HTT: variants seen among roughly 807,000 people sequenced by gnomAD.
The protein encoded by HTT is huntington disease protein.
A neutral mutation model predicts 362.3 loss-of-function variants in HTT; 104 were observed. That is an observed-to-expected ratio of 0.29 (90% CI 0.24 to 0.34). The LOEUF (loss-of-function observed/expected upper bound fraction) is 0.34, where lower values mean the gene tolerates loss of function less well. Among genes scored for constraint, HTT ranks in the 10% least tolerant of loss-of-function variants. The pLI, the probability that HTT is intolerant of heterozygous loss-of-function variation, is 1.00. For missense variants in HTT, 3,301 were observed against 3,928.6 expected (o/e 0.84, Z 4.27); for synonymous variants, 1,577 against 1,548.7 (o/e 1.02, Z -0.43).
chr4:3,234,528 G>T (rs1246310062), intron 61 of HTT, among the ~76,000 whole-genome samples: 1 of 152,256 alleles, frequency 6.6e-6, no homozygotes, highest in Non-Finnish European at 1.5e-5. Context: ...CCAAAGCCCT[G>T]CCTGTGCTGG....
chr4:3,130,562 G>T, intron 14 of HTT, 139 bp downstream of exon 14: 1 of 572,400 alleles, frequency 1.7e-6, no homozygotes, highest in Non-Finnish European at 3.2e-6. Context: ...CTCTTCCCAG[G>T]CCTGTTGTTT....
intron 6 of HTT, among the ~76,000 whole-genome samples, chr4:3,112,206 C>T (rs962075958): frequency 1.3e-5 from 2 of 152,182 alleles, no homozygotes; most frequent in African/African-American, 2.4e-5. Flanking sequence ...AGAAATCTCC[C>T]ACCCTCTGGT....
chr4:3,138,552 A>C (rs1041976730), intron 21 of HTT, among the ~76,000 whole-genome samples: 3 of 152,154 alleles, frequency 2.0e-5, no homozygotes, highest in African/African-American at 7.2e-5. Flanking sequence ...CACCAGTACA[A>C]ATATTTCAAA....
chr4:3,230,384 T>A (rs1721194132), intron 60 of HTT, among the ~76,000 whole-genome samples: 1 of 152,190 alleles, frequency 6.6e-6, no homozygotes, highest in Non-Finnish European at 1.5e-5. Flanking sequence ...TGCTACTGGC[T>A]TCCCCATGCT....
rs562186858 is a variant in HTT, at chr4:3,163,535, G to A, written c.3864+3143G>A. Among the ~76,000 whole-genome samples, 190 of 152,214 alleles carry A rather than the reference G, an allele frequency of 1.2e-3. 1 individual carries two copies. Among genetic ancestry groups the A allele is most frequent in the African/African-American group, 4.4e-3 (184 of 41,522 alleles). On this transcript the variant is annotated intron_variant, in intron 29 of 66. Transcript: ENST00000355072. ...CCTCTTTGTACCTCTGGTAGAATTCGGCTGTGAATCCATCCTGGACTTTTT... is the reference window on the plus strand; with the variant it reads ...CCTCTTTGTACCTCTGGTAGAATTCAGCTGTGAATCCATCCTGGACTTTTT...
chr4:3,141,777 A>C (rs1373456458), intron 22 of HTT, among the ~76,000 whole-genome samples: 1 of 152,172 alleles, frequency 6.6e-6, no homozygotes. Context: ...AAAGACACAC[A>C]CACAAACAAA....
At chr4:3,102,682 G>T (rs185776413) in intron 3 of HTT, among the ~76,000 whole-genome samples, 5 of 152,282 alleles carry the variant, frequency 3.3e-5, no homozygotes, top group African/African-American at 9.6e-5. Flanking sequence ...AGAGATCATC[G>T]ACTGATGTTT....
chr4:3,232,153 G>A (rs1042389902), intron 60 of HTT, among the ~76,000 whole-genome samples: 4 of 152,206 alleles, frequency 2.6e-5, no homozygotes, highest in Admixed American at 6.5e-5. Flanking sequence ...GGCGTTGTGC[G>A]TGTGAGGGGA....
At chr4:3,223,271 A>C in intron 54 of HTT, 135 bp from the exon 55 acceptor site, 1 of 817,348 alleles carries the variant, frequency 1.2e-6, no homozygotes, top group Middle Eastern at 3.3e-4. Flanking sequence ...CCGTGAGCTC[A>C]GCCTGACAGA....
intron 49 of HTT, among the ~76,000 whole-genome samples, chr4:3,213,414 A>C (rs1720254930): frequency 6.6e-6 from 1 of 152,248 alleles, no homozygotes; most frequent in Admixed American, 6.5e-5. Flanking sequence ...ATGCAGGATG[A>C]AATACTTTAT....
At chr4:3,115,976 A>G (rs1441286592) in intron 7 of HTT, 109 bp from the exon 8 acceptor site, 3 of 995,080 alleles carry the variant, frequency 3.0e-6, no homozygotes, top group African/African-American at 3.2e-5. Flanking sequence ...GTTCATGATC[A>G]TGTTTGTGCC....
intron 35 of HTT, among the ~76,000 whole-genome samples, chr4:3,178,731 C>T (rs1008859664): frequency 6.6e-6 from 1 of 152,218 alleles, no homozygotes; most frequent in African/African-American, 2.4e-5. Context: ...TGTTCATTCA[C>T]ATGAAACGCT....
chr4:3,094,310 T>A (rs1022835448), intron 2 of HTT, among the ~76,000 whole-genome samples: 2 of 152,240 alleles, frequency 1.3e-5, no homozygotes, highest in African/African-American at 4.8e-5. Flanking sequence ...GTCCTATGTC[T>A]ACTTCTTTCT....
intron 5 of HTT, among the ~76,000 whole-genome samples, chr4:3,106,180 A>T (rs1002572617): frequency 3.9e-5 from 6 of 152,152 alleles, no homozygotes; most frequent in Admixed American, 6.5e-5. Flanking sequence ...ACATGGTGAA[A>T]CGCCGCCTCT....
intron 1 of HTT, among the ~76,000 whole-genome samples, chr4:3,075,742 G>A (rs1009108671): frequency 6.6e-6 from 1 of 151,444 alleles, no homozygotes; most frequent in African/African-American, 2.4e-5. Context: ...TTCCTACATT[G>A]TCAGGACATT....
chr4:3,173,655 T>A (rs1176606645), intron 31 of HTT, among the ~76,000 whole-genome samples: 2 of 151,322 alleles, frequency 1.3e-5, no homozygotes, highest in Non-Finnish European at 2.9e-5. Context: ...ACTAGAAGTC[T>A]CTTTTCACTT....
At chr4:3,131,868 T>G in intron 16 of HTT, 93 bp downstream of exon 16, 1 of 1,224,026 alleles carries the variant, frequency 8.2e-7, no homozygotes, top group South Asian at 1.4e-5. Flanking sequence ...GAGCAGTAAG[T>G]GTTTTGAGTT....
chr4:3,174,177 G>A (rs1343934641), intron 31 of HTT, among the ~76,000 whole-genome samples: 1 of 152,118 alleles, frequency 6.6e-6, no homozygotes, highest in Non-Finnish European at 1.5e-5. Flanking sequence ...CATGTTCCAG[G>A]CTGTATGTTA....
At chr4:3,128,505 T>A (rs1426359371) in intron 12 of HTT, 1 of 152,226 alleles carries the variant, frequency 6.6e-6, no homozygotes, top group African/African-American at 2.4e-5. Context: ...GTTAAATAAT[T>A]ATTTTTAAAA....
Sources: gnomAD v4.1 joint callset for allele counts (sites outside exome capture counted in the v4.1 genomes callset) on GRCh38, gnomAD v4.1.1 for gene constraint, MANE v1.5 for transcripts, NCBI Gene and HGNC (gene_info 2026-07-23, HGNC 2026-07-21) for gene names.